Variants in CDH12 observed in about 807,000 individuals in gnomAD.
CDH12 encodes the protein cadherin-12.
CDH12 carries 41 observed loss-of-function variants against 74.1 expected under a neutral mutation model. The observed-to-expected ratio is 0.55, with a 90% confidence interval of 0.43 to 0.72. The LOEUF (loss-of-function observed/expected upper bound fraction) is 0.72. Among genes scored for constraint, CDH12 ranks in the 30% least tolerant of loss-of-function variants. The pLI, the probability that CDH12 is intolerant of heterozygous loss-of-function variation, is 0.00. For missense variants in CDH12, 945 were observed against 977.2 expected (o/e 0.97, Z 0.44); for synonymous variants, 399 against 355.0 (o/e 1.12, Z -1.39).
intron 1 of CDH12, among the ~76,000 whole-genome samples, chr5:22,743,290 ATG>A (rs1745128057): frequency 6.8e-6 from 1 of 147,880 alleles, no homozygotes. Context: ...ATGTATATAT[ATG>A]TATATGTATA....
At chr5:22,763,857 GA>G (rs1746357945) in intron 1 of CDH12, among the ~76,000 whole-genome samples, 2 of 151,726 alleles carry the variant, frequency 1.3e-5, no homozygotes, top group South Asian at 4.1e-4. Flanking sequence ...TATATAAAAA[GA>G]AAAAATGGTG....
intron 2 of CDH12, among the ~76,000 whole-genome samples, chr5:22,481,619 T>A (rs1746388401): frequency 1.3e-5 from 2 of 152,186 alleles, no homozygotes; most frequent in African/African-American, 4.8e-5. Flanking sequence ...TGCTGCATCT[T>A]CCACTCACAT....
chr5:22,178,596 T>C (rs970728747), intron 4 of CDH12, among the ~76,000 whole-genome samples: 5 of 152,188 alleles, frequency 3.3e-5, no homozygotes, highest in African/African-American at 1.2e-4. Context: ...ATTTAACACA[T>C]ATTGGCAAGT....
At chr5:22,852,466 G>A (rs955329748) in intron 1 of CDH12, among the ~76,000 whole-genome samples, 1 of 152,074 alleles carries the variant, frequency 6.6e-6, no homozygotes, top group Non-Finnish European at 1.5e-5. Context: ...ATAACCCACA[G>A]CAGATCTGGT....
Position 21,897,063 on chromosome 5 carries a change from A to C in CDH12, c.527-42273T>G, listed in dbSNP as rs866061695. Reference sequence around the variant, plus strand: ...TTGAGTTCATAAAGATGAACATATAAGTTTTATTTTGATAGAAATTGCCAA... The same window carrying C: ...TTGAGTTCATAAAGATGAACATATACGTTTTATTTTGATAGAAATTGCCAA... On this transcript the variant is annotated intron_variant, in intron 6 of 14. Transcript: ENST00000382254. Among the ~76,000 whole-genome samples, 163 of 152,358 alleles carry C rather than the reference A, an allele frequency of 1.1e-3. 1 individual carries two copies. The highest frequency in any genetic ancestry group is 3.7e-3 in the African/African-American group (153 of 41,590).
chr5:21,836,012 C>T (rs1232917077), intron 8 of CDH12, among the ~76,000 whole-genome samples: 1 of 151,614 alleles, frequency 6.6e-6, no homozygotes, highest in Non-Finnish European at 1.5e-5. Flanking sequence ...CACGTACATA[C>T]ATATATATGT....
chr5:22,163,692 C>A (rs1451207024), intron 4 of CDH12, among the ~76,000 whole-genome samples: 2 of 152,158 alleles, frequency 1.3e-5, no homozygotes, highest in African/African-American at 2.4e-5. Flanking sequence ...TGTAACAACA[C>A]CCAGGATCAC....
intron 6 of CDH12, among the ~76,000 whole-genome samples, chr5:21,940,082 A>G (rs1422963546): frequency 6.6e-6 from 1 of 151,938 alleles, no homozygotes; most frequent in South Asian, 2.1e-4. Context: ...AAATAAATAA[A>G]CAGGCATAGT....
intron 3 of CDH12, among the ~76,000 whole-genome samples, chr5:22,398,908 C>T (rs181538698): frequency 6.6e-6 from 1 of 152,094 alleles, no homozygotes; most frequent in Non-Finnish European, 1.5e-5. Context: ...GTGGTAGAGA[C>T]CCCTCTATGT....
chr5:22,047,706 A>G (rs895454200), intron 5 of CDH12, among the ~76,000 whole-genome samples: 2 of 152,240 alleles, frequency 1.3e-5, no homozygotes, highest in East Asian at 3.9e-4. Flanking sequence ...TAAATCTCTA[A>G]GCCTATCCAC....
intron 1 of CDH12, among the ~76,000 whole-genome samples, chr5:22,566,516 G>A (rs998903475): frequency 2.2e-4 from 34 of 151,998 alleles, no homozygotes; most frequent in African/African-American, 7.7e-4. Flanking sequence ...GGGATTACAG[G>A]TATGAGCCAC....
chr5:22,243,020 T>C (rs1301934176), intron 3 of CDH12, among the ~76,000 whole-genome samples: 2 of 152,168 alleles, frequency 1.3e-5, no homozygotes, highest in Non-Finnish European at 2.9e-5. Flanking sequence ...TTGATAGATC[T>C]ACTTGTCTTT....
At chr5:22,443,485 A>G (rs1212378364) in intron 2 of CDH12, among the ~76,000 whole-genome samples, 1 of 152,136 alleles carries the variant, frequency 6.6e-6, no homozygotes, top group Non-Finnish European at 1.5e-5. Flanking sequence ...ATTGGGTGGT[A>G]TATTGGCAAT....
chr5:21,936,988 C>G (rs1469449010), intron 6 of CDH12, among the ~76,000 whole-genome samples: 1 of 152,140 alleles, frequency 6.6e-6, no homozygotes, highest in Non-Finnish European at 1.5e-5. Context: ...ATTATCCATT[C>G]TCAGGTAGTA....
intron 9 of CDH12, among the ~76,000 whole-genome samples, chr5:21,813,251 G>A (rs1200494747): frequency 6.6e-6 from 1 of 152,120 alleles, no homozygotes; most frequent in African/African-American, 2.4e-5. Context: ...GGCCAAGGCA[G>A]GTGGATCACC....
At chr5:22,369,408 A>T (rs561293180) in intron 3 of CDH12, among the ~76,000 whole-genome samples, 30 of 152,130 alleles carry the variant, frequency 2.0e-4, no homozygotes, top group East Asian at 7.7e-4. Flanking sequence ...TTTTTCCACC[A>T]TTTTTTTCCT....
At chr5:22,520,586 G>A (rs1737010866) in intron 1 of CDH12, among the ~76,000 whole-genome samples, 1 of 152,078 alleles carries the variant, frequency 6.6e-6, no homozygotes, top group Admixed American at 6.6e-5. Context: ...AAAAAAATAG[G>A]TAATAATATT....
At chr5:22,422,438 G>C (rs1743691269) in intron 2 of CDH12, among the ~76,000 whole-genome samples, 1 of 151,854 alleles carries the variant, frequency 6.6e-6, no homozygotes, top group African/African-American at 2.4e-5. Context: ...GATCATGGTG[G>C]ATAATCTTTC....
intron 1 of CDH12, among the ~76,000 whole-genome samples, chr5:22,730,961 T>C (rs1026398934): frequency 6.6e-6 from 1 of 151,776 alleles, no homozygotes; most frequent in Non-Finnish European, 1.5e-5. Flanking sequence ...CATAACCCAA[T>C]TGAAAGATTA....
Sources: gnomAD v4.1 joint callset for allele counts (sites outside exome capture counted in the v4.1 genomes callset) on GRCh38, gnomAD v4.1.1 for gene constraint, MANE v1.5 for transcripts, NCBI Gene and HGNC (gene_info 2026-07-23, HGNC 2026-07-21) for gene names.